PDE11A: variants seen among roughly 807,000 people sequenced by gnomAD.
The protein encoded by PDE11A is phosphodiesterase 11A.
A neutral mutation model predicts 100.5 loss-of-function variants in PDE11A; 100 were observed. The ratio of observed to expected loss-of-function variants is 1.00; its 90% CI spans 0.85 to 1.18. PDE11A has a LOEUF of 1.18. Ranked by LOEUF, PDE11A falls within the 50% of genes most tolerant of loss-of-function variation. The pLI is 0.00. For synonymous variants in PDE11A, 381 were observed against 420.8 expected, an observed-to-expected ratio of 0.91 and a Z score of 1.16; for missense variants, 1,141 against 1,152.6, an observed-to-expected ratio of 0.99 and a Z score of 0.15.
At chr2:177,993,692 CT>C (rs2086032514) in intron 2 of PDE11A, among the ~76,000 whole-genome samples, 1 of 152,106 alleles carries the variant, frequency 6.6e-6, no homozygotes, top group Non-Finnish European at 1.5e-5. Flanking sequence ...GAGCTCCCCT[CT>C]TCCTAAGTAG....
intron 2 of PDE11A, among the ~76,000 whole-genome samples, chr2:177,989,918 C>G (rs958324441): frequency 1.3e-5 from 2 of 152,142 alleles, no homozygotes; most frequent in African/African-American, 4.8e-5. Flanking sequence ...TATTCATATT[C>G]CAATATTTTC....
At chr2:177,776,462 A>G (rs1382718208) in intron 9 of PDE11A, among the ~76,000 whole-genome samples, 1 of 152,180 alleles carries the variant, frequency 6.6e-6, no homozygotes, top group Non-Finnish European at 1.5e-5. Flanking sequence ...AAAATATTTT[A>G]TCTGCTAAGC....
chr2:177,939,518 A>T, intron 2 of PDE11A, among the ~76,000 whole-genome samples: 1 of 66,472 alleles, frequency 1.5e-5, no homozygotes, highest in Non-Finnish European at 3.0e-5. Context: ...GAGGGAGGGA[A>T]GGGAGGGAGG....
intron 10 of PDE11A, among the ~76,000 whole-genome samples, chr2:177,729,923 G>C (rs2081656818): frequency 6.6e-6 from 1 of 151,582 alleles, no homozygotes; most frequent in African/African-American, 2.4e-5. Flanking sequence ...AGCTTTAGCT[G>C]TAGTAAATTA....
At chr2:177,784,659 A>G (rs1027081800) in intron 9 of PDE11A, among the ~76,000 whole-genome samples, 10 of 152,270 alleles carry the variant, frequency 6.6e-5, no homozygotes, top group African/African-American at 2.4e-4. Context: ...ATCACTTTAT[A>G]CTTTATTGCT....
At chr2:177,646,253 T>C (rs1172917443) in intron 19 of PDE11A, among the ~76,000 whole-genome samples, 1 of 152,206 alleles carries the variant, frequency 6.6e-6, no homozygotes, top group Non-Finnish European at 1.5e-5. Flanking sequence ...TTTACAATTT[T>C]AAAAACTGTA....
chr2:177,972,998 T>A (rs528941191), intron 2 of PDE11A, among the ~76,000 whole-genome samples: 3 of 152,174 alleles, frequency 2.0e-5, no homozygotes, highest in African/African-American at 7.2e-5. Context: ...GGGAGTTCTG[T>A]GGCACAGCAG....
At chr2:177,768,398 T>C (rs1340814914) in intron 10 of PDE11A, among the ~76,000 whole-genome samples, 1 of 152,216 alleles carries the variant, frequency 6.6e-6, no homozygotes, top group Non-Finnish European at 1.5e-5. Flanking sequence ...CTTAGAAAAG[T>C]GTCCATCACC....
intron 2 of PDE11A, among the ~76,000 whole-genome samples, chr2:177,935,787 G>A (rs1355959028): frequency 1.3e-5 from 2 of 152,164 alleles, no homozygotes; most frequent in African/African-American, 4.8e-5. Flanking sequence ...CCATAAATGC[G>A]ATGTTGAGCA....
At chr2:177,864,649 A>T (rs1459908211) in intron 5 of PDE11A, among the ~76,000 whole-genome samples, 6 of 152,196 alleles carry the variant, frequency 3.9e-5, no homozygotes, top group Non-Finnish European at 4.4e-5. Flanking sequence ...ATATGGACAC[A>T]TCATGTACTT....
At chr2:177,751,177 C>A (rs1264000204) in intron 10 of PDE11A, among the ~76,000 whole-genome samples, 1 of 151,292 alleles carries the variant, frequency 6.6e-6, no homozygotes, top group African/African-American at 2.4e-5. Context: ...GAGAAAGAAG[C>A]TTTTCCTGGG....
rs566533429 is a variant in PDE11A at position 178,084,309 on chromosome 2, C to T, written c.162+19993G>A. Among the ~76,000 whole-genome samples, 12 of 152,314 alleles carry T rather than the reference C, an allele frequency of 7.9e-5. No individual in the cohort carries two copies. The South Asian group carries it at 2.3e-3, about 29-fold the overall frequency. ...AATGACAAATTATCTCCTTGAGTAG[C>T]TCAGTGAGGTTCTTGGATATAATTG... On this transcript the variant is annotated intron_variant, in intron 2 of 20. Transcript: ENST00000358450.
rs2087153557 is a variant in PDE11A at position 178,072,686 on chromosome 2, C to G, written c.-249G>C. 29 of 1,410,704 alleles carry G rather than the reference C, an allele frequency of 2.1e-5. No homozygotes were observed. Among genetic ancestry groups the G allele is most frequent in the Non-Finnish European group, 2.5e-5 (27 of 1,084,476 alleles). 87.4% of individuals were successfully genotyped at this position (1,410,704 alleles called of 1,614,324 possible). A position where few individuals can be genotyped will look rare whatever the true frequency, so the allele number is the denominator to read the frequency against. On this transcript the variant is annotated 5_prime_UTR_variant, in exon 1 of 20. Coordinates refer to ENST00000286063, the MANE Select transcript of PDE11A (RefSeq NM_016953.4). ...CGCACAGGTGCCCAGCACTGAGCTG[C>G]CGCCGCTGCCCCGGCTCCTGTTCCG...
chr2:177,642,341 T>A (rs2105448589), intron 19 of PDE11A, among the ~76,000 whole-genome samples: 1 of 152,286 alleles, frequency 6.6e-6, no homozygotes, highest in East Asian at 1.9e-4. Context: ...CATACAAGGC[T>A]GAAGTTTGGC....
chr2:177,998,567 TA>T (rs2105815934), intron 2 of PDE11A: 1 of 1,297,258 alleles, frequency 7.7e-7, no homozygotes. Context: ...CACAGAGGTC[TA>T]ACTGTGCATT....
intron 3 of PDE11A, among the ~76,000 whole-genome samples, chr2:177,900,274 A>G (rs1471348610): frequency 6.6e-6 from 1 of 152,214 alleles, no homozygotes; most frequent in African/African-American, 2.4e-5. Flanking sequence ...AGAATGTAGA[A>G]AGAGGTGCAA....
intron 13 of PDE11A, among the ~76,000 whole-genome samples, chr2:177,709,319 C>G (rs752034846): frequency 6.6e-6 from 1 of 152,058 alleles, no homozygotes; most frequent in Non-Finnish European, 1.5e-5. Flanking sequence ...TCGTGCTGTT[C>G]GTTGTAGCAA....
chr2:177,629,279 G>T lies in PDE11A; in HGVS notation c.*128C>A. ...ACCATGCTTCAAGGTGAAAGCCCAG[G>T]CATGCTTCCCAGTGCATCCTTGAGA... On this transcript the variant is annotated 3_prime_UTR_variant, in exon 20 of 20. Transcript: ENST00000286063. 1.2e-6 allele frequency: 1 copy of T among 859,456 alleles called. No individual in the cohort carries two copies. Among genetic ancestry groups the T allele is most frequent in the Non-Finnish European group, 2.0e-6 (1 of 501,504 alleles). 53.2% of individuals were successfully genotyped at this position (859,456 alleles called of 1,614,324 possible). A position where few individuals can be genotyped will look rare whatever the true frequency, so the allele number is the denominator to read the frequency against.
chr2:177,933,849 TCAA>T (rs2085239186), intron 2 of PDE11A, among the ~76,000 whole-genome samples: 1 of 152,148 alleles, frequency 6.6e-6, no homozygotes, highest in Non-Finnish European at 1.5e-5. Context: ...CACCTGTTGT[TCAA>T]CAACATCAAC....
Sources: allele counts gnomAD v4.1 joint callset (sites outside exome capture counted in the v4.1 genomes callset), GRCh38; gene constraint gnomAD v4.1.1; transcripts MANE v1.5; gene names NCBI Gene and HGNC (gene_info 2026-07-23, HGNC 2026-07-21).